MEIS2: variants seen among roughly 807,000 people sequenced by gnomAD.
MEIS2 encodes the protein homeobox protein Meis2.
In MEIS2, 9 loss-of-function variants were observed where a neutral mutation model predicts 58.6. The observed-to-expected ratio is 0.15, with a 90% CI of 0.09 to 0.27. The LOEUF is 0.27. Among genes scored for constraint, MEIS2 ranks in the 10% least tolerant of loss-of-function variants. The probability of loss-of-function intolerance (pLI) is 1.00; values close to 1 mark genes in which losing one functional copy is unlikely to be tolerated. For missense variants in MEIS2, 427 were observed against 635.0 expected, an observed-to-expected ratio of 0.67 and a Z score of 3.52; for synonymous variants, 221 against 228.4, an observed-to-expected ratio of 0.97 and a Z score of 0.29.
rs150969877 is a variant in MEIS2 at position 36,993,688 on chromosome 15, A to C, written c.900+43126T>G. Among the ~76,000 whole-genome samples, 387 of 152,306 alleles carry C rather than the reference A, an allele frequency of 2.5e-3. 2 individuals carry two copies. Among genetic ancestry groups the C allele is most frequent in the African/African-American group, 8.9e-3 (368 of 41,578 alleles). ...CAACAGTTTGGGGTTAAGCATTTTC[A>C]GCAATCTTAAAAGTCAAACTCATGT... On this transcript the variant is annotated intron_variant, in intron 8 of 11. Coordinates refer to ENST00000561208, the MANE Select transcript of MEIS2 (RefSeq NM_170675.5).
intron 7 of MEIS2, among the ~76,000 whole-genome samples, chr15:37,061,523 T>G (rs1330312729): frequency 6.6e-6 from 1 of 152,220 alleles, no homozygotes; most frequent in Non-Finnish European, 1.5e-5. Context: ...GGTTTGTAGT[T>G]GCAGAGGTAG....
At chr15:36,921,622 T>C (rs777189286) in intron 9 of MEIS2, among the ~76,000 whole-genome samples, 4 of 152,176 alleles carry the variant, frequency 2.6e-5, no homozygotes, top group Non-Finnish European at 5.9e-5. Flanking sequence ...CCCCCACCTT[T>C]TGTGTTGTTC....
chr15:36,976,167 C>T (rs902456814), intron 8 of MEIS2, among the ~76,000 whole-genome samples: 4 of 152,094 alleles, frequency 2.6e-5, no homozygotes, highest in Non-Finnish European at 5.9e-5. Flanking sequence ...TCCCTGCAAC[C>T]TCCGCCTCTC....
At chr15:36,973,290 A>G (rs1187606503) in intron 8 of MEIS2, among the ~76,000 whole-genome samples, 1 of 152,204 alleles carries the variant, frequency 6.6e-6, no homozygotes, top group Non-Finnish European at 1.5e-5. Flanking sequence ...CCAAGTCACA[A>G]AAGGGCTCTT....
At chr15:37,079,660 G>A (rs1891930917) in intron 7 of MEIS2, among the ~76,000 whole-genome samples, 1 of 152,090 alleles carries the variant, frequency 6.6e-6, no homozygotes, top group South Asian at 2.1e-4. Context: ...ATATTTGTAG[G>A]TTTCAACACC....
chr15:36,919,143 T>C (rs535915432), intron 9 of MEIS2, among the ~76,000 whole-genome samples: 109 of 152,214 alleles, frequency 7.2e-4, no homozygotes, highest in African/African-American at 2.6e-3. Context: ...ACCATGCCAC[T>C]GTAGTCCAGC....
At chr15:36,969,903 T>C (rs965963778) in intron 8 of MEIS2, among the ~76,000 whole-genome samples, 2 of 152,068 alleles carry the variant, frequency 1.3e-5, no homozygotes, top group East Asian at 1.9e-4. Flanking sequence ...TGGCTTTTTT[T>C]TTCTTTTCGC....
intron 8 of MEIS2, among the ~76,000 whole-genome samples, chr15:36,957,575 C>T (rs1312290023): frequency 6.6e-6 from 1 of 152,200 alleles, no homozygotes; most frequent in African/African-American, 2.4e-5. Flanking sequence ...CCACAAACTT[C>T]CACAGTGCTT....
intron 7 of MEIS2, among the ~76,000 whole-genome samples, chr15:37,054,998 T>A (rs1330380395): frequency 6.6e-6 from 1 of 152,214 alleles, no homozygotes. Flanking sequence ...TTAATTCTCA[T>A]CATCCTATGA....
At chr15:36,974,015 G>C (rs1037589758) in intron 8 of MEIS2, among the ~76,000 whole-genome samples, 1 of 152,164 alleles carries the variant, frequency 6.6e-6, no homozygotes, top group Non-Finnish European at 1.5e-5. Context: ...CATGCCTTGA[G>C]AGCAGTTCCT....
At chr15:36,956,863 T>C (rs926097617) in intron 8 of MEIS2, among the ~76,000 whole-genome samples, 1 of 135,628 alleles carries the variant, frequency 7.4e-6, no homozygotes, top group Non-Finnish European at 1.6e-5. Context: ...TATTCCCTTT[T>C]CCCCTCCAGC....
chr15:36,959,290 A>T (rs1674739389), intron 8 of MEIS2, among the ~76,000 whole-genome samples: 1 of 152,130 alleles, frequency 6.6e-6, no homozygotes, highest in Non-Finnish European at 1.5e-5. Context: ...CAAGTTACGT[A>T]ACACCCATAT....
chr15:36,977,496 G>A (rs370984168), intron 8 of MEIS2, among the ~76,000 whole-genome samples: 5 of 152,318 alleles, frequency 3.3e-5, no homozygotes, highest in East Asian at 3.9e-4. Context: ...GATCTTGGGT[G>A]AGTCCAGGGA....
chr15:37,088,384 T>C lies in MEIS2; in HGVS notation c.640-4499A>G, dbSNP rs369132856. 3.9e-5 allele frequency among the ~76,000 whole-genome samples: 6 copies of C among 152,198 alleles called. No homozygotes were observed. The East Asian group carries it at 5.8e-4, about 15-fold the overall frequency. ...AAACAACAAAGGGAAGATATACTTGTATCAACATACATAATTAAATTACTT... is the reference window on the plus strand; with the variant it reads ...AAACAACAAAGGGAAGATATACTTGCATCAACATACATAATTAAATTACTT... On this transcript the variant is annotated intron_variant, in intron 6 of 11. Coordinates refer to ENST00000561208, the MANE Select transcript of MEIS2 (RefSeq NM_170675.5).
At chr15:36,913,438 A>C (rs1464841198) in intron 9 of MEIS2, among the ~76,000 whole-genome samples, 1 of 152,214 alleles carries the variant, frequency 6.6e-6, no homozygotes, top group Non-Finnish European at 1.5e-5. Flanking sequence ...ACTTCAATTA[A>C]TAGCCACTCA....
chr15:36,905,123 G>T (rs1272817532), intron 9 of MEIS2, among the ~76,000 whole-genome samples: 1 of 152,038 alleles, frequency 6.6e-6, no homozygotes, highest in Non-Finnish European at 1.5e-5. Context: ...TTAACACCTG[G>T]CTCAGTTTTC....
intron 8 of MEIS2, among the ~76,000 whole-genome samples, chr15:37,019,696 A>T (rs4923733): frequency 0.48 from 73,414 of 151,780 alleles, 19,118 homozygotes; most frequent in East Asian, 0.71. Context: ...AGAGAGCTGC[A>T]CATGGTGAAA....
chr15:36,894,655 T>TA (rs1003689753), intron 11 of MEIS2: 14 of 1,365,254 alleles, frequency 1.0e-5, no homozygotes, highest in Non-Finnish European at 1.3e-5. Context: ...GGGCAAATTA[T>TA]AAAAAATAAA....
intron 9 of MEIS2, among the ~76,000 whole-genome samples, chr15:36,937,992 CT>C (rs1422860322): frequency 6.6e-6 from 1 of 151,710 alleles, no homozygotes; most frequent in Admixed American, 6.6e-5. Flanking sequence ...AGATGTCAAA[CT>C]TTTTTTTTCT....
Sources: allele counts gnomAD v4.1 joint callset (sites outside exome capture counted in the v4.1 genomes callset), GRCh38; gene constraint gnomAD v4.1.1; transcripts MANE v1.5; gene names NCBI Gene and HGNC (gene_info 2026-07-23, HGNC 2026-07-21).